The following KIF13B variants were observed in gnomAD, a reference collection of about 807,000 sequenced individuals.
KIF13B encodes kinesin-like protein KIF13B.
In KIF13B, 127 loss-of-function variants were observed where a neutral mutation model predicts 222.0. The observed-to-expected ratio is 0.57, with a 90% CI of 0.50 to 0.66. KIF13B has a LOEUF of 0.66. Ranked by LOEUF, KIF13B falls within the 30% of genes least tolerant of loss-of-function variation. KIF13B has a pLI of 0.00. For synonymous variants in KIF13B, 976 were observed against 919.0 expected, an observed-to-expected ratio of 1.06 and a Z score of -1.12; for missense variants, 2,173 against 2,379.0, an observed-to-expected ratio of 0.91 and a Z score of 1.80.
chr8:29,257,279 C>T (rs2117177304), intron 1 of KIF13B, among the ~76,000 whole-genome samples: 1 of 152,028 alleles, frequency 6.6e-6, no homozygotes, highest in East Asian at 1.9e-4. Context: ...TGGAGTGGAC[C>T]AGTTAGTTTC....
intron 37 of KIF13B, among the ~76,000 whole-genome samples, chr8:29,078,298 C>CA (rs35107118): frequency 0.21 from 21,517 of 102,564 alleles, 2,174 homozygotes; most frequent in African/African-American, 0.35. Flanking sequence ...AACTCCATCT[C>CA]AAAAAAAAAA....
At chr8:29,194,868 A>C (rs1440474207) in intron 3 of KIF13B, among the ~76,000 whole-genome samples, 2 of 152,180 alleles carry the variant, frequency 1.3e-5, no homozygotes, top group African/African-American at 4.8e-5. Flanking sequence ...ATGCAACTGA[A>C]TTAAATAAAA....
intron 11 of KIF13B, 85 bp downstream of exon 11, chr8:29,167,288 C>T (rs1812045312): frequency 4.5e-6 from 5 of 1,100,568 alleles, no homozygotes; most frequent in Non-Finnish European, 6.7e-6. Context: ...AGTACTCATC[C>T]CTCACAGCCC....
intron 2 of KIF13B, among the ~76,000 whole-genome samples, chr8:29,231,294 G>A (rs1356076318): frequency 6.6e-6 from 1 of 152,228 alleles, no homozygotes; most frequent in African/African-American, 2.4e-5. Context: ...TACATTCAGA[G>A]AAGGGATTTT....
Position 29,105,214 on chromosome 8 carries a change from T to C in KIF13B, c.4215+2925A>G, listed in dbSNP as rs529364481. On this transcript the variant is annotated intron_variant, in intron 35 of 39. Transcript: ENST00000524189. ...TCAAACTGCTGGGCTCAAGCCATCC[T>C]CCCACCTGGACCTCCCAAACTACTG... Among the ~76,000 whole-genome samples, 143 of 152,078 alleles carry C rather than the reference T, an allele frequency of 9.4e-4. No homozygotes were observed. The South Asian group carries it at 0.011, about 12-fold the overall frequency.
chr8:29,206,125 C>A (rs1238710381), intron 2 of KIF13B, among the ~76,000 whole-genome samples: 3 of 151,532 alleles, frequency 2.0e-5, no homozygotes, highest in African/African-American at 7.3e-5. Context: ...ATTCCCCCCA[C>A]AAAAAAAGAG....
intron 37 of KIF13B, among the ~76,000 whole-genome samples, chr8:29,079,507 T>A (rs542066635): frequency 6.6e-6 from 1 of 152,340 alleles, no homozygotes; most frequent in African/African-American, 2.4e-5. Context: ...CAGTGTTTGT[T>A]GAATGAACAA....
At chr8:29,186,224 G>C (rs903627812) in intron 6 of KIF13B, 68 bp downstream of exon 6, 1 of 1,247,018 alleles carries the variant, frequency 8.0e-7, no homozygotes, top group Admixed American at 2.1e-5. Context: ...AAAAAGATTT[G>C]CACTTAAGCC....
Position 29,176,088 on chromosome 8 carries a change from C to T in KIF13B, c.925G>A (p.Val309Ile). The T allele has an allele frequency of 1.2e-6, 2 of 1,611,952 alleles. No homozygotes were observed. The highest frequency in any genetic ancestry group is 3.3e-5 in the Admixed American group (2 of 59,944). ...KNKFVPYRDS[V>I]LTWLLKDSLG... The stretch of plus-strand genomic sequence containing the variant: ...CTTACTTTGAGCAGCCAAGTGAGAA[C>T]TGAGTCACGATATGGAACAAATTTA... The change falls in exon 10 of 40, where the codon GTT becomes ATT. Residue 309 changes from valine to isoleucine, a missense_variant. By Grantham distance (29) the Val-to-Ile change is conservative. Transcript: ENST00000524189.
chr8:29,174,550 T>C (rs545949917), intron 10 of KIF13B, among the ~76,000 whole-genome samples: 1 of 152,326 alleles, frequency 6.6e-6, no homozygotes, highest in African/African-American at 2.4e-5. Flanking sequence ...AGGTTAGAAT[T>C]GTCTTTATGG....
Position 29,160,757 on chromosome 8 carries a change from A to G in KIF13B, c.1380T>C (p.Asn460=), listed in dbSNP as rs1811741009. 1.2e-6 allele frequency: 2 copies of G among 1,613,278 alleles called. No individual in the cohort carries two copies. The highest frequency in any genetic ancestry group is 1.7e-5 in the Admixed American group (1 of 59,964). ...CCTTTAAATAGTACACCAGAAGCTC[A>G]TTCAGAGCTGGGTCAGCATTCAGAT... is the stretch of plus-strand genomic sequence containing the variant. ...LVNLNADPAL[N]ELLVYYLKEH... Residue 460 remains asparagine (N), a synonymous_variant, in exon 13 of 40, where the codon AAT becomes AAC. Transcript: ENST00000524189.
intron 36 of KIF13B, 66 bp from the exon 37 acceptor site, chr8:29,092,944 AT>A: frequency 7.2e-7 from 1 of 1,395,072 alleles, no homozygotes; most frequent in Admixed American, 2.7e-5. Flanking sequence ...TTTCCTGTAC[AT>A]TTGACAGACA....
chr8:29,158,385 C>T (rs763809729), intron 13 of KIF13B, among the ~76,000 whole-genome samples: 131 of 152,202 alleles, frequency 8.6e-4, no homozygotes, highest in Non-Finnish European at 1.1e-3. Context: ...GATAGCATCT[C>T]AGTCTCTTTA....
At chr8:29,141,426 A>C (rs1038699349) in intron 19 of KIF13B, among the ~76,000 whole-genome samples, 91 of 152,230 alleles carry the variant, frequency 6.0e-4, no homozygotes, top group African/African-American at 2.1e-3. Flanking sequence ...AGGGGTACCA[A>C]AGAGACAAAC....
intron 31 of KIF13B, among the ~76,000 whole-genome samples, chr8:29,115,471 C>T (rs1367945922): frequency 1.3e-5 from 2 of 151,948 alleles, no homozygotes; most frequent in Non-Finnish European, 2.9e-5. Context: ...AGATTGCAGG[C>T]ACCCACCACC....
intron 2 of KIF13B, among the ~76,000 whole-genome samples, chr8:29,216,596 C>A (rs1344133634): frequency 6.7e-6 from 1 of 149,654 alleles, no homozygotes; most frequent in Non-Finnish European, 1.5e-5. Context: ...GAGACTCTGT[C>A]TCAAAAAAGA....
chr8:29,212,280 T>G (rs1429904362), intron 2 of KIF13B, among the ~76,000 whole-genome samples: 2 of 152,210 alleles, frequency 1.3e-5, no homozygotes, highest in African/African-American at 4.8e-5. Flanking sequence ...TAAAAATGTT[T>G]TCCAAAGTGT....
At chr8:29,163,353 T>C (rs1301086800) in intron 12 of KIF13B, among the ~76,000 whole-genome samples, 2 of 152,204 alleles carry the variant, frequency 1.3e-5, no homozygotes, top group African/African-American at 2.4e-5. Context: ...GGTAGGGCCA[T>C]CCGAGGGCTT....
intron 18 of KIF13B, among the ~76,000 whole-genome samples, chr8:29,143,613 C>T (rs1387023189): frequency 1.3e-5 from 2 of 152,088 alleles, no homozygotes; most frequent in East Asian, 3.9e-4. Context: ...TTTGGGAGGC[C>T]AAGGCAGGCA....
Sources: gnomAD v4.1 joint callset for allele counts (sites outside exome capture counted in the v4.1 genomes callset) on GRCh38, gnomAD v4.1.1 for gene constraint, MANE v1.5 for transcripts, NCBI Gene and HGNC (gene_info 2026-07-23, HGNC 2026-07-21) for gene names.